Variants in ANTXRL observed in about 807,000 individuals in gnomAD.
The protein encoded by ANTXRL is anthrax toxin receptor-like.
ANTXRL carries 63 observed loss-of-function variants against 75.4 expected under a neutral mutation model. The observed-to-expected ratio is 0.84, with a 90% CI of 0.68 to 1.03. The LOEUF is 1.03. Ranked by LOEUF, ANTXRL falls within the 50% of genes least tolerant of loss-of-function variation. The pLI, the probability that ANTXRL is intolerant of heterozygous loss-of-function variation, is 0.00. For missense variants in ANTXRL, 797 were observed against 789.4 expected (o/e 1.01, Z -0.12); for synonymous variants, 335 against 291.3 (o/e 1.15, Z -1.53).
intron 1 of ANTXRL, 36 bp downstream of exon 1, chr10:46,287,546 C>A: frequency 6.6e-7 from 1 of 1,513,320 alleles, no homozygotes; most frequent in South Asian, 1.2e-5. Context: ...CTGGGTCACC[C>A]TCAGGAGCCA....
At chr10:46,328,617 CCT>C (rs1207406404) in intron 16 of ANTXRL, among the ~76,000 whole-genome samples, 5 of 151,966 alleles carry the variant, frequency 3.3e-5, no homozygotes, top group Non-Finnish European at 2.9e-5. Flanking sequence ...GAGCACATTG[CCT>C]CTCTCTTTTT....
At position 46,290,200 on chromosome 10, in the gene ANTXRL, G is replaced by A. The variant is rs138467889; in HGVS notation, c.249-1858G>A. On this transcript the variant is annotated intron_variant, in intron 1 of 16. Transcript: ENST00000620264. The stretch of plus-strand genomic sequence containing the variant: ...TGGGACTACAGGGGCATGCCACCAC[G>A]CCAGGCTAATTTTTGTATTTTTTAG... Among the ~76,000 whole-genome samples the A allele has an allele frequency of 6.0e-4, 91 of 152,006 alleles. 1 individual carries two copies. The East Asian group carries it at 0.016, about 27-fold the overall frequency.
intron 10 of ANTXRL, among the ~76,000 whole-genome samples, chr10:46,303,548 GA>G (rs1378298736): frequency 2.6e-5 from 4 of 152,216 alleles, no homozygotes; most frequent in Non-Finnish European, 5.9e-5. Flanking sequence ...CATTTCTTTC[GA>G]ACATCATGTT....
chr10:46,287,418 C>T lies in ANTXRL; in HGVS notation c.156C>T (p.His52=), dbSNP rs553270245. The stretch of plus-strand genomic sequence containing the variant: ...CCCTGGGCTCCAGGAGAGCCCACCA[C>T]CACCATGGCCCAGGATGGAGGCAGC... ...RLALGSRRAH[H]HHGPGWRQHW... The change falls in exon 1 of 17, where the codon CAC becomes CAT. Residue 52 remains histidine (H), a synonymous_variant. Coordinates refer to ENST00000620264, the MANE Select transcript of ANTXRL (RefSeq NM_001278688.3). 38 of 1,535,884 alleles carry T rather than the reference C, an allele frequency of 2.5e-5. No individual in the cohort carries two copies. The Admixed American group carries it at 6.1e-4, about 25-fold the overall frequency.
At chr10:46,296,428 C>CA (rs1837380434) in intron 5 of ANTXRL, among the ~76,000 whole-genome samples, 176 bp downstream of exon 5, 1 of 152,188 alleles carries the variant, frequency 6.6e-6, no homozygotes, top group Non-Finnish European at 1.5e-5. Flanking sequence ...AGTAAGCCCT[C>CA]ACCCCATGGA....
chr10:46,328,654 A>T (rs1839342895), intron 16 of ANTXRL, among the ~76,000 whole-genome samples: 2 of 151,864 alleles, frequency 1.3e-5, no homozygotes, highest in South Asian at 2.1e-4. Flanking sequence ...GTTCCGGGAT[A>T]CATGTGCAGG....
Position 46,327,737 on chromosome 10 carries a change from G to T in ANTXRL, c.1411-1862G>T, listed in dbSNP as rs150106963. On this transcript the variant is annotated intron_variant, in intron 16 of 16. Transcript: ENST00000620264. ...AGCAAGCTCAAAGTCTGCATGGTCT[G>T]TGGAACACCTGTGAGGAATGGAGCG... is the stretch of plus-strand genomic sequence containing the variant. 4.5e-3 allele frequency among the ~76,000 whole-genome samples: 679 copies of T among 152,250 alleles called. 6 individuals are homozygous for T. The highest frequency in any genetic ancestry group is 0.015 in the African/African-American group (606 of 41,538).
At chr10:46,288,652 C>T (rs1311794647) in intron 1 of ANTXRL, among the ~76,000 whole-genome samples, 1 of 152,128 alleles carries the variant, frequency 6.6e-6, no homozygotes, top group Non-Finnish European at 1.5e-5. Flanking sequence ...TGTCCCCCAT[C>T]TGTAAAAAGG....
chr10:46,329,498 G>A (rs1201155704), intron 16 of ANTXRL, 101 bp from the exon 17 acceptor site: 9 of 1,426,850 alleles, frequency 6.3e-6, no homozygotes, highest in Non-Finnish European at 7.4e-6. Context: ...TGTGGGTCCC[G>A]ATGGGTCCTG....
rs1441149834 is a variant in ANTXRL, at chr10:46,309,328, C to T, written c.1134+126C>T. On this transcript the variant is annotated intron_variant, in intron 13 of 16. Transcript: ENST00000620264. ...GTTTCCCTCAGCTCCCAGCTCATCACGTGAGCCCAGGGAGTCGCAGACCTG... is the reference window on the plus strand; with the variant it reads ...GTTTCCCTCAGCTCCCAGCTCATCATGTGAGCCCAGGGAGTCGCAGACCTG... 64 of 1,489,666 alleles carry T rather than the reference C, an allele frequency of 4.3e-5. 1 individual carries two copies. The South Asian group carries it at 5.6e-4, about 13-fold the overall frequency. The allele number at this position is 1,489,666 out of a possible 1,614,324, so 92.3% of individuals were successfully genotyped here. A position where few individuals can be genotyped will look rare whatever the true frequency, so the allele number is the denominator to read the frequency against.
intron 16 of ANTXRL, among the ~76,000 whole-genome samples, chr10:46,328,906 G>C (rs1452814857): frequency 1.3e-5 from 2 of 152,080 alleles, no homozygotes; most frequent in Non-Finnish European, 2.9e-5. Context: ...CTTACTTATA[G>C]TGACCCTGAG....
At chr10:46,318,022 A>G (rs1314815858) in intron 16 of ANTXRL, among the ~76,000 whole-genome samples, 1 of 152,146 alleles carries the variant, frequency 6.6e-6, no homozygotes, top group Admixed American at 6.6e-5. Flanking sequence ...GAGGCACCCC[A>G]ACCCTGCTCC....
intron 13 of ANTXRL, among the ~76,000 whole-genome samples, chr10:46,309,766 T>C (rs1838314328): frequency 6.6e-6 from 1 of 151,966 alleles, no homozygotes; most frequent in Non-Finnish European, 1.5e-5. Flanking sequence ...GGGACAGAAA[T>C]GGTGGCTACC....
At chr10:46,315,165 A>G (rs2999413) in intron 16 of ANTXRL, among the ~76,000 whole-genome samples, 83,668 of 151,540 alleles carry the variant, frequency 0.55, 23,567 homozygotes, top group African/African-American at 0.73. Context: ...CCACAGGGTC[A>G]GACTGTAAGC....
rs1554955444 is a variant in ANTXRL, at chr10:46,287,277, G to C, written c.15G>C (p.Glu5Asp). MGSH[E>D]SLGPYFLVFL... The stretch of plus-strand genomic sequence containing the variant: ...ACAGCCAGATAATGGGGAGCCATGA[G>C]TCCCTGGGGCCCTACTTCCTGGTCT... The change falls in exon 1 of 17, where the codon GAG becomes GAC. Residue 5 changes from glutamate to aspartate, a missense_variant. Coordinates refer to ENST00000620264, the MANE Select transcript of ANTXRL (RefSeq NM_001278688.3). 24 of 1,535,870 alleles carry C rather than the reference G, an allele frequency of 1.6e-5. No homozygotes were observed. Among genetic ancestry groups the C allele is most frequent in the Non-Finnish European group, 2.1e-5 (24 of 1,146,730 alleles).
intron 16 of ANTXRL, among the ~76,000 whole-genome samples, chr10:46,327,269 G>C (rs1384873685): frequency 6.6e-6 from 1 of 152,146 alleles, no homozygotes; most frequent in Non-Finnish European, 1.5e-5. Context: ...TGCAGGCTGG[G>C]TGGAGGGACT....
At chr10:46,311,732 G>GGTCC in intron 15 of ANTXRL, 67 bp downstream of exon 15, 1 of 680,768 alleles carries the variant, frequency 1.5e-6, no homozygotes, top group Non-Finnish European at 2.6e-6. Flanking sequence ...GGGGCAGATG[G>GGTCC]GTCCCACTGT....
At chr10:46,323,467 G>A (rs898566403) in intron 16 of ANTXRL, among the ~76,000 whole-genome samples, 1 of 152,156 alleles carries the variant, frequency 6.6e-6, no homozygotes, top group Admixed American at 6.6e-5. Flanking sequence ...ACATCGGGAA[G>A]AATTTCATAA....
Position 46,287,490 on chromosome 10 carries a change from C to T in ANTXRL, c.228C>T (p.Asp76=), listed in dbSNP as rs575033884. The T allele has an allele frequency of 1.5e-5, 23 of 1,535,668 alleles. No individual in the cohort carries two copies. The East Asian group carries it at 5.1e-4, about 34-fold the overall frequency. Residue 76 remains aspartate, a synonymous_variant, in exon 1 of 17, where the codon GAC becomes GAT. Coordinates refer to ENST00000620264, the MANE Select transcript of ANTXRL (RefSeq NM_001278688.3). ...QAGHRCQGSF[D]LYFILDKSGS... ...GTCACAGATGCCAGGGCTCATTTGA[C>T]CTCTACTTCATCTTGGACAAGTGAG...
Sources: gnomAD v4.1 joint callset for allele counts (sites outside exome capture counted in the v4.1 genomes callset) on GRCh38, gnomAD v4.1.1 for gene constraint, MANE v1.5 for transcripts, NCBI Gene and HGNC (gene_info 2026-07-23, HGNC 2026-07-21) for gene names.